Variants in PALLD observed in about 807,000 individuals in gnomAD.
PALLD encodes the protein palladin.
A neutral mutation model predicts 123.5 loss-of-function variants in PALLD; 61 were observed. The ratio of observed to expected loss-of-function variants is 0.49; its 90% CI spans 0.40 to 0.61. PALLD has a LOEUF of 0.61. Ranked by LOEUF, PALLD falls within the 20% of genes least tolerant of loss-of-function variation. The pLI is 0.00. For synonymous variants in PALLD, 465 were observed against 496.4 expected, an observed-to-expected ratio of 0.94 and a Z score of 0.84; for missense variants, 1,273 against 1,377.0, an observed-to-expected ratio of 0.92 and a Z score of 1.20.
At chr4:168,831,877 C>A in intron 10 of PALLD, 1 of 444,676 alleles carries the variant, frequency 2.2e-6, no homozygotes, top group Non-Finnish European at 3.0e-6. Context: ...AAGGGGCCTG[C>A]GACCAGAAAG....
At chr4:168,812,398 C>A in intron 10 of PALLD, among the ~76,000 whole-genome samples, 1 of 152,168 alleles carries the variant, frequency 6.6e-6, no homozygotes, top group African/African-American at 2.4e-5. Context: ...AGAAACATCT[C>A]CCTTGGGCCT....
chr4:168,886,990 G>C (rs1753427909), intron 10 of PALLD, among the ~76,000 whole-genome samples: 1 of 151,858 alleles, frequency 6.6e-6, no homozygotes, highest in Non-Finnish European at 1.5e-5. Flanking sequence ...GGTGGCTCAT[G>C]CCTGTAATCC....
intron 8 of PALLD, among the ~76,000 whole-genome samples, chr4:168,708,679 G>A (rs1784443061): frequency 6.6e-6 from 1 of 152,152 alleles, no homozygotes; most frequent in South Asian, 2.1e-4. Flanking sequence ...ACTCTGACAT[G>A]CAATCAGCTT....
At chr4:168,579,303 G>T (rs1034513823) in intron 2 of PALLD, among the ~76,000 whole-genome samples, 1 of 152,072 alleles carries the variant, frequency 6.6e-6, no homozygotes, top group Non-Finnish European at 1.5e-5. Context: ...GGGACATTGG[G>T]GATATTAAAT....
At chr4:168,794,174 A>T (rs1738065585) in intron 10 of PALLD, among the ~76,000 whole-genome samples, 2 of 152,058 alleles carry the variant, frequency 1.3e-5, no homozygotes, top group South Asian at 4.1e-4. Flanking sequence ...GGTCCTGTGG[A>T]TGGAGTTCCT....
At chr4:168,563,958 A>G (rs1053182858) in intron 2 of PALLD, among the ~76,000 whole-genome samples, 1 of 152,140 alleles carries the variant, frequency 6.6e-6, no homozygotes, top group African/African-American at 2.4e-5. Context: ...GGTATCCATC[A>G]CTCAGATAAT....
intron 11 of PALLD, among the ~76,000 whole-genome samples, chr4:168,893,705 G>A (rs1385070911): frequency 6.6e-6 from 1 of 152,152 alleles, no homozygotes; most frequent in East Asian, 1.9e-4. Flanking sequence ...TTTAGAATGA[G>A]TATTCAAGAG....
chr4:168,745,422 A>AT (rs1320970726), intron 10 of PALLD, among the ~76,000 whole-genome samples: 9 of 67,660 alleles, frequency 1.3e-4, no homozygotes, highest in African/African-American at 4.8e-4. Context: ...AGTCTGTGAG[A>AT]TGGGAGGGGG....
intron 2 of PALLD, among the ~76,000 whole-genome samples, chr4:168,601,450 T>A (rs1226489825): frequency 6.6e-6 from 1 of 152,024 alleles, no homozygotes; most frequent in Non-Finnish European, 1.5e-5. Context: ...CCTCCACCAC[T>A]ACCACCGTCA....
At position 168,914,648 on chromosome 4, in the gene PALLD, TG is replaced by T. The variant is rs569078167; in HGVS notation, c.2717+628del. On this transcript the variant is annotated intron_variant, in intron 16 of 21. Transcript: ENST00000505667. ...GATTATTACTTCTTAGTAACACATT[TG>T]CACTTAAAAAAAATTCAGTAAGTCA... 1.3e-3 allele frequency among the ~76,000 whole-genome samples: 204 copies of T among 152,346 alleles called. 1 individual carries two copies. The highest frequency in any genetic ancestry group is 4.2e-3 in the African/African-American group (176 of 41,576).
chr4:168,675,224 T>G lies in PALLD; in HGVS notation c.1088-6108T>G, dbSNP rs1047598691. On this transcript the variant is annotated intron_variant, in intron 3 of 21. Transcript: ENST00000505667. ...GAAGGAAGCTGGATTAAACCGGACCTTGTGGATAAAGAGGATTGGGGTCAG... is the reference window on the plus strand; with the variant it reads ...GAAGGAAGCTGGATTAAACCGGACCGTGTGGATAAAGAGGATTGGGGTCAG... Among the ~76,000 whole-genome samples, 3 of 152,072 alleles carry G rather than the reference T, an allele frequency of 2.0e-5. No individual in the cohort carries two copies. The East Asian group carries it at 5.8e-4, about 29-fold the overall frequency.
chr4:168,706,410 G>A (rs1372496961), intron 8 of PALLD, among the ~76,000 whole-genome samples: 2 of 152,176 alleles, frequency 1.3e-5, no homozygotes. Context: ...AGAATAAGGT[G>A]TGTGTTTTTA....
At chr4:168,527,984 A>G (rs114165831) in intron 2 of PALLD, among the ~76,000 whole-genome samples, 6 of 152,306 alleles carry the variant, frequency 3.9e-5, no homozygotes, top group Non-Finnish European at 8.8e-5. Flanking sequence ...TTTAGGGTTA[A>G]GAGTGGTAGC....
At chr4:168,829,870 A>G (rs975504136) in intron 10 of PALLD, among the ~76,000 whole-genome samples, 2 of 152,228 alleles carry the variant, frequency 1.3e-5, no homozygotes, top group African/African-American at 4.8e-5. Flanking sequence ...TCAAAAATGC[A>G]AGAGATGATA....
At chr4:168,873,870 G>A (rs1751403302) in intron 10 of PALLD, among the ~76,000 whole-genome samples, 1 of 152,170 alleles carries the variant, frequency 6.6e-6, no homozygotes, top group Non-Finnish European at 1.5e-5. Flanking sequence ...CTATGGCTTC[G>A]TGATGAGGAG....
At chr4:168,921,871 C>A in intron 18 of PALLD, 130 bp downstream of exon 18, 1 of 774,778 alleles carries the variant, frequency 1.3e-6, no homozygotes, top group Non-Finnish European at 2.2e-6. Context: ...ATCAAAATAG[C>A]CAATGAGGAC....
At chr4:168,812,249 C>G (rs367851460) in intron 10 of PALLD, among the ~76,000 whole-genome samples, 8 of 152,272 alleles carry the variant, frequency 5.3e-5, no homozygotes, top group African/African-American at 1.9e-4. Flanking sequence ...TTGTTCCCAA[C>G]CCCCTTGTCC....
intron 10 of PALLD, among the ~76,000 whole-genome samples, chr4:168,879,931 TAG>T (rs10570657): frequency 0.022 from 3,422 of 152,326 alleles, 104 homozygotes; most frequent in African/African-American, 0.076. Flanking sequence ...AAGAAGCTGT[TAG>T]AGAGACCCAA....
intron 2 of PALLD, chr4:168,537,850 A>T (rs1765236628): frequency 6.6e-6 from 1 of 152,250 alleles, no homozygotes; most frequent in African/African-American, 2.4e-5. Context: ...TTCAAAATGG[A>T]TGAAAGGTTC....
Sources: allele counts gnomAD v4.1 joint callset (sites outside exome capture counted in the v4.1 genomes callset), GRCh38; gene constraint gnomAD v4.1.1; transcripts MANE v1.5; gene names NCBI Gene and HGNC (gene_info 2026-07-23, HGNC 2026-07-21).